The following CACNA2D3 variants were observed in gnomAD, a reference collection of about 807,000 sequenced individuals.
CACNA2D3 encodes calcium voltage-gated channel auxiliary subunit alpha2delta 3.
Under a neutral mutation model 160.6 loss-of-function variants are expected in CACNA2D3, and 60 were observed. The observed-to-expected ratio is 0.37, with a 90% confidence interval of 0.30 to 0.46. The LOEUF (loss-of-function observed/expected upper bound fraction) is 0.46. Ranked by LOEUF, CACNA2D3 falls within the 20% of genes least tolerant of loss-of-function variation. The pLI, the probability that CACNA2D3 is intolerant of heterozygous loss-of-function variation, is 1.00. For synonymous variants in CACNA2D3, 558 were observed against 492.9 expected, an observed-to-expected ratio of 1.13 and a Z score of -1.75; for missense variants, 1,205 against 1,365.0, an observed-to-expected ratio of 0.88 and a Z score of 1.85.
chr3:54,402,288 A>G (rs1699482344), intron 4 of CACNA2D3, among the ~76,000 whole-genome samples: 1 of 152,134 alleles, frequency 6.6e-6, no homozygotes, highest in African/African-American at 2.4e-5. Context: ...CCTATCAATA[A>G]TTACGATGAA....
intron 4 of CACNA2D3, among the ~76,000 whole-genome samples, chr3:54,421,513 G>C (rs1321781482): frequency 6.6e-6 from 1 of 152,024 alleles, no homozygotes; most frequent in Non-Finnish European, 1.5e-5. Flanking sequence ...GAGCCAGGAG[G>C]GCCTCAGGGG....
chr3:54,412,856 T>G (rs944316912), intron 4 of CACNA2D3, among the ~76,000 whole-genome samples: 1 of 151,840 alleles, frequency 6.6e-6, no homozygotes, highest in African/African-American at 2.4e-5. Context: ...ATCTTTTATA[T>G]ATGTTATAAA....
intron 14 of CACNA2D3, among the ~76,000 whole-genome samples, chr3:54,827,811 A>G (rs569133004): frequency 6.6e-6 from 1 of 152,316 alleles, no homozygotes; most frequent in South Asian, 2.1e-4. Flanking sequence ...ATAGTGTTGG[A>G]ATAAATTCAT....
intron 4 of CACNA2D3, among the ~76,000 whole-genome samples, chr3:54,411,322 A>C (rs1699664480): frequency 6.6e-6 from 1 of 152,254 alleles, no homozygotes; most frequent in Non-Finnish European, 1.5e-5. Flanking sequence ...GCTATCAAAC[A>C]ACATTGCATG....
At chr3:54,514,273 C>T (rs1575497718) in intron 5 of CACNA2D3, among the ~76,000 whole-genome samples, 1 of 152,082 alleles carries the variant, frequency 6.6e-6, no homozygotes, top group Non-Finnish European at 1.5e-5. Flanking sequence ...CTTGCCATAC[C>T]AAAATATGTC....
intron 14 of CACNA2D3, among the ~76,000 whole-genome samples, chr3:54,831,289 G>C (rs778208652): frequency 3.3e-5 from 5 of 152,166 alleles, no homozygotes; most frequent in Non-Finnish European, 7.3e-5. Flanking sequence ...TGCTGTCCTT[G>C]GCTTGCTCAG....
At chr3:54,443,493 C>G (rs1180545500) in intron 4 of CACNA2D3, among the ~76,000 whole-genome samples, 1 of 152,170 alleles carries the variant, frequency 6.6e-6, no homozygotes, top group Admixed American at 6.5e-5. Flanking sequence ...GCTGTTAATT[C>G]TTTTGGGCTT....
At chr3:54,747,295 G>T (rs111924155) in intron 11 of CACNA2D3, among the ~76,000 whole-genome samples, 422 of 152,196 alleles carry the variant, frequency 2.8e-3, no homozygotes, top group Non-Finnish European at 4.8e-3. Context: ...TGGTGATACT[G>T]ATGCCTTGTG....
intron 27 of CACNA2D3, among the ~76,000 whole-genome samples, chr3:54,933,718 GT>G: frequency 6.6e-6 from 1 of 150,812 alleles, no homozygotes; most frequent in South Asian, 2.1e-4. Context: ...CACTTAATAG[GT>G]TTATTAAGTA....
intron 27 of CACNA2D3, among the ~76,000 whole-genome samples, chr3:54,964,077 T>C (rs1281018484): frequency 6.6e-6 from 1 of 152,186 alleles, no homozygotes; most frequent in African/African-American, 2.4e-5. Flanking sequence ...TGGCAATTCT[T>C]ATAACAATAA....
intron 31 of CACNA2D3, among the ~76,000 whole-genome samples, chr3:54,993,190 C>G (rs1702779666): frequency 6.6e-6 from 1 of 152,212 alleles, no homozygotes; most frequent in African/African-American, 2.4e-5. Context: ...ACTTTACTCT[C>G]CTAGAGGCCC....
chr3:54,337,110 G>A (rs1193257556), intron 3 of CACNA2D3, among the ~76,000 whole-genome samples: 4 of 152,162 alleles, frequency 2.6e-5, no homozygotes, highest in Admixed American at 6.5e-5. Context: ...ACAGAAATCC[G>A]CACACACGGT....
intron 2 of CACNA2D3, among the ~76,000 whole-genome samples, chr3:54,289,930 T>C (rs1396336433): frequency 1.3e-5 from 2 of 152,066 alleles, no homozygotes; most frequent in Admixed American, 1.3e-4. Flanking sequence ...AAGATTTACA[T>C]GTTAGACCTA....
chr3:54,618,379 A>ATATATATATG (rs1401834228), intron 9 of CACNA2D3, among the ~76,000 whole-genome samples: 11 of 141,648 alleles, frequency 7.8e-5, no homozygotes, highest in Non-Finnish European at 1.4e-4. Context: ...ATATATGCAC[A>ATATATATATG]CACACACACA....
chr3:55,005,315 AAAG>A (rs1469482831), intron 32 of CACNA2D3, among the ~76,000 whole-genome samples: 1 of 152,132 alleles, frequency 6.6e-6, no homozygotes, highest in Non-Finnish European at 1.5e-5. Context: ...AAAATTAAAA[AAAG>A]CCACTGCTAT....
At chr3:54,612,393 G>A (rs542800553) in intron 9 of CACNA2D3, among the ~76,000 whole-genome samples, 1 of 152,194 alleles carries the variant, frequency 6.6e-6, no homozygotes, top group Admixed American at 6.5e-5. Flanking sequence ...CCTGGAATCA[G>A]AAGCAGCCCA....
At chr3:54,460,897 A>G (rs891259401) in intron 4 of CACNA2D3, among the ~76,000 whole-genome samples, 15 of 152,290 alleles carry the variant, frequency 9.8e-5, no homozygotes, top group Admixed American at 3.3e-4. Context: ...ATTCAGTGTG[A>G]TATCGGCTGT....
chr3:54,198,906 A>G (rs765561961), intron 2 of CACNA2D3, among the ~76,000 whole-genome samples: 1 of 152,236 alleles, frequency 6.6e-6, no homozygotes, highest in Non-Finnish European at 1.5e-5. Flanking sequence ...GAGCTCCTAG[A>G]TGTCTTGCTC....
intron 13 of CACNA2D3, among the ~76,000 whole-genome samples, chr3:54,787,176 C>G (rs2106638933): frequency 6.6e-6 from 1 of 152,186 alleles, no homozygotes; most frequent in Admixed American, 6.5e-5. Flanking sequence ...AGTTTTGGAG[C>G]AATTGAATTC....
Sources: gnomAD v4.1 joint callset for allele counts (sites outside exome capture counted in the v4.1 genomes callset) on GRCh38, gnomAD v4.1.1 for gene constraint, MANE v1.5 for transcripts, NCBI Gene and HGNC (gene_info 2026-07-23, HGNC 2026-07-21) for gene names.